DPYSL5: variants seen among roughly 807,000 people sequenced by gnomAD.
DPYSL5 encodes dihydropyrimidinase-related protein 5.
DPYSL5 carries 9 observed loss-of-function variants against 58.4 expected under a neutral mutation model. The ratio of observed to expected loss-of-function variants is 0.15; its 90% CI spans 0.09 to 0.27. The LOEUF (loss-of-function observed/expected upper bound fraction) is 0.27, where lower values mean the gene tolerates loss of function less well. Ranked by LOEUF, DPYSL5 falls within the 10% of genes least tolerant of loss-of-function variation. The pLI, the probability that DPYSL5 is intolerant of heterozygous loss-of-function variation, is 1.00. For missense variants in DPYSL5, 499 were observed against 770.6 expected (o/e 0.65, Z 4.17); for synonymous variants, 293 against 301.9 (o/e 0.97, Z 0.31).
intron 11 of DPYSL5, among the ~76,000 whole-genome samples, chr2:26,943,594 T>C (rs1357872151): frequency 2.0e-5 from 3 of 152,136 alleles, no homozygotes; most frequent in Admixed American, 6.5e-5. Context: ...TGTAGGACCA[T>C]AAATGACCTC....
chr2:26,906,433 C>T (rs1388504327), intron 2 of DPYSL5, among the ~76,000 whole-genome samples: 2 of 152,124 alleles, frequency 1.3e-5, no homozygotes, highest in Non-Finnish European at 2.9e-5. Flanking sequence ...CTGCCTGCCT[C>T]GGCCTCCAAA....
chr2:26,931,147 AAAAAAATAT>A (rs1171506233), intron 5 of DPYSL5, among the ~76,000 whole-genome samples: 2 of 41,604 alleles, frequency 4.8e-5, no homozygotes, highest in South Asian at 2.7e-3. Context: ...TAAAAAAAAA[AAAAAAATAT>A]ATATATATAT....
intron 6 of DPYSL5, among the ~76,000 whole-genome samples, chr2:26,932,384 G>A (rs988116779): frequency 3.9e-5 from 6 of 152,042 alleles, no homozygotes; most frequent in Non-Finnish European, 7.4e-5. Flanking sequence ...ATTCCACCCC[G>A]CCGAGCCTGC....
chr2:26,869,124 C>G (rs1663193283), intron 1 of DPYSL5, among the ~76,000 whole-genome samples: 1 of 152,106 alleles, frequency 6.6e-6, no homozygotes, highest in Non-Finnish European at 1.5e-5. Flanking sequence ...GCCACCATGC[C>G]TAGCTAATTT....
At chr2:26,943,900 C>G (rs191332787) in intron 11 of DPYSL5, among the ~76,000 whole-genome samples, 10 of 152,310 alleles carry the variant, frequency 6.6e-5, no homozygotes, top group Admixed American at 6.5e-4. Context: ...CTGTGTTTAG[C>G]CTCTGTTCCC....
In DPYSL5 at chr2:26,848,258, G is replaced by C. The variant is rs571896741; in HGVS notation, c.-5+4G>C. On this transcript the variant is annotated splice_donor_region_variant and intron_variant, in intron 1 of 12. Transcript: ENST00000288699. ...GCGGCCGCAGCATCTCGGAGGAGTG[G>C]GTGATGGCAGGGGGGTCGGTGGGCT... 12 of 152,204 alleles carry C rather than the reference G, an allele frequency of 7.9e-5. No homozygotes were observed. The highest frequency in any genetic ancestry group is 2.4e-4 in the African/African-American group (10 of 41,522). 9.4% of individuals were successfully genotyped at this position (152,204 alleles called of 1,614,324 possible).
In DPYSL5 at chr2:26,925,786, C is replaced by CT. The variant is rs11386753; in HGVS notation, c.420+747dup. ...TGGCTTTGTTTCTGGGGTTTTTCTG[C>CT]TTTTTTGCCCAGGGTAGCAGTCTGG... On this transcript the variant is annotated intron_variant, in intron 3 of 12. Transcript: ENST00000288699. This position sits in a 1 kb window ranked among gnomAD's most constrained non-coding sequence, Gnocchi z 4.5. Among the ~76,000 whole-genome samples the CT allele has an allele frequency of 0.39, 59,446 of 152,028 alleles. 12,037 individuals carry two copies. Among genetic ancestry groups the CT allele is most frequent in the Admixed American group, 0.54 (8,257 of 15,274 alleles).
chr2:26,882,246 C>T (rs1466108432), intron 1 of DPYSL5, among the ~76,000 whole-genome samples: 2 of 151,708 alleles, frequency 1.3e-5, no homozygotes, highest in Non-Finnish European at 2.9e-5. Flanking sequence ...ACAATATTTA[C>T]TTATTTATTT....
At chr2:26,862,860 A>G (rs1226836644) in intron 1 of DPYSL5, among the ~76,000 whole-genome samples, 1 of 152,132 alleles carries the variant, frequency 6.6e-6, no homozygotes, top group Non-Finnish European at 1.5e-5. Flanking sequence ...TCAGCACCCC[A>G]TTACATGGCC....
intron 1 of DPYSL5, among the ~76,000 whole-genome samples, chr2:26,888,900 C>G (rs1372418787): frequency 6.6e-6 from 1 of 152,062 alleles, no homozygotes; most frequent in Non-Finnish European, 1.5e-5. Flanking sequence ...GCTGGGAAGT[C>G]CAAGATCAAG....
intron 2 of DPYSL5, among the ~76,000 whole-genome samples, chr2:26,921,441 T>C (rs1046058575): frequency 2.0e-5 from 3 of 151,578 alleles, no homozygotes; most frequent in African/African-American, 7.3e-5. Flanking sequence ...CACATGTTCT[T>C]AAACATCATC....
intron 1 of DPYSL5, among the ~76,000 whole-genome samples, chr2:26,858,722 A>T (rs911000971): frequency 1.4e-5 from 2 of 144,474 alleles, no homozygotes; most frequent in Non-Finnish European, 3.0e-5. Flanking sequence ...GGTGGATGCC[A>T]CCACACCCAG....
At chr2:26,932,290 C>T (rs1665054743) in intron 6 of DPYSL5, among the ~76,000 whole-genome samples, 1 of 152,186 alleles carries the variant, frequency 6.6e-6, no homozygotes, top group Non-Finnish European at 1.5e-5. Context: ...CCATGTCTTG[C>T]CCACAGGAAC....
At chr2:26,917,390 A>G (rs1481071469) in intron 2 of DPYSL5, among the ~76,000 whole-genome samples, 2 of 152,230 alleles carry the variant, frequency 1.3e-5, no homozygotes, top group Admixed American at 1.3e-4. Context: ...CAGGCTGCAA[A>G]TTATCAGTCA....
At chr2:26,892,325 T>C (rs1402204151) in intron 1 of DPYSL5, among the ~76,000 whole-genome samples, 1 of 152,236 alleles carries the variant, frequency 6.6e-6, no homozygotes, top group Non-Finnish European at 1.5e-5. Flanking sequence ...CTATTGAAGA[T>C]GATGTCCTTG....
At chr2:26,921,659 A>G (rs1268350862) in intron 2 of DPYSL5, among the ~76,000 whole-genome samples, 1 of 152,204 alleles carries the variant, frequency 6.6e-6, no homozygotes, top group Non-Finnish European at 1.5e-5. Context: ...AGAGGAAACA[A>G]GTGCTTGAAC....
intron 2 of DPYSL5, among the ~76,000 whole-genome samples, chr2:26,907,747 C>T (rs1159059418): frequency 1.3e-5 from 2 of 152,226 alleles, no homozygotes; most frequent in Non-Finnish European, 2.9e-5. Flanking sequence ...AACCCAGCTC[C>T]AGGATGTCAC....
chr2:26,933,779 G>A lies in DPYSL5; in HGVS notation c.790+446G>A, dbSNP rs867899560. 2.0e-5 allele frequency among the ~76,000 whole-genome samples: 3 copies of A among 152,118 alleles called. No homozygotes were observed. Among genetic ancestry groups the A allele is most frequent in the South Asian group, 2.1e-4 (1 of 4,818 alleles). Reference sequence around the variant, plus strand: ...GGCCCAGCTTCCTTTTAGCCTCCTGGAACCCTGTGTATGAGTCCGAGGGGC... The same window carrying A: ...GGCCCAGCTTCCTTTTAGCCTCCTGAAACCCTGTGTATGAGTCCGAGGGGC... On this transcript the variant is annotated intron_variant, in intron 7 of 12. Transcript: ENST00000288699. The surrounding 1 kb of genome is among the most constrained non-coding windows in gnomAD (Gnocchi z 4.2).
intron 2 of DPYSL5, among the ~76,000 whole-genome samples, chr2:26,903,845 T>C (rs1429930223): frequency 2.0e-5 from 3 of 152,240 alleles, no homozygotes. Context: ...CCTGACCTCC[T>C]GTCTGTACCT....
Sources: allele counts gnomAD v4.1 joint callset (sites outside exome capture counted in the v4.1 genomes callset), GRCh38; gene constraint gnomAD v4.1.1; non-coding constraint Gnocchi (gnomAD v3.1); transcripts MANE v1.5; gene names NCBI Gene and HGNC (gene_info 2026-07-23, HGNC 2026-07-21).